MALRD1: variants seen among roughly 807,000 people sequenced by gnomAD.
MALRD1 encodes the protein MAM and LDL-receptor class A domain-containing protein 1.
In MALRD1, 247 loss-of-function variants were observed where a neutral mutation model predicts 242.1. The ratio of observed to expected loss-of-function variants is 1.02; its 90% CI spans 0.92 to 1.13. The LOEUF (loss-of-function observed/expected upper bound fraction) is 1.13. Ranked by LOEUF, MALRD1 falls within the 50% of genes most tolerant of loss-of-function variation. The pLI is 0.00. For missense variants in MALRD1, 2,989 were observed against 2,533.1 expected (o/e 1.18, Z -3.86); for synonymous variants, 995 against 866.6 (o/e 1.15, Z -2.60).
At chr10:19,688,940 G>A (rs1842708712) in intron 36 of MALRD1, among the ~76,000 whole-genome samples, 1 of 152,174 alleles carries the variant, frequency 6.6e-6, no homozygotes, top group Non-Finnish European at 1.5e-5. Context: ...CTGCAACCAA[G>A]CAAATGTCTC....
intron 11 of MALRD1, among the ~76,000 whole-genome samples, chr10:19,150,550 T>C (rs149736939): frequency 6.6e-6 from 1 of 152,182 alleles, no homozygotes; most frequent in Non-Finnish European, 1.5e-5. Flanking sequence ...ACCACACTCC[T>C]GTGTTTCCCC....
At chr10:19,549,461 C>G (rs951500080) in intron 32 of MALRD1, among the ~76,000 whole-genome samples, 2 of 152,172 alleles carry the variant, frequency 1.3e-5, no homozygotes, top group Admixed American at 1.3e-4. Context: ...CTTCAGCAAT[C>G]ACCACCCTAA....
intron 29 of MALRD1, among the ~76,000 whole-genome samples, chr10:19,480,760 G>A (rs1327588330): frequency 4.6e-5 from 7 of 152,066 alleles, no homozygotes; most frequent in Non-Finnish European, 1.0e-4. Flanking sequence ...CCAGTTCTGA[G>A]TTTTTGTTCT....
At chr10:19,236,278 A>C (rs944954391) in intron 18 of MALRD1, among the ~76,000 whole-genome samples, 1 of 152,176 alleles carries the variant, frequency 6.6e-6, no homozygotes, top group African/African-American at 2.4e-5. Flanking sequence ...TAGTTGGTGC[A>C]GGTGTGATAT....
Position 19,619,724 on chromosome 10 carries a change from A to G in MALRD1, c.6137+3801A>G, listed in dbSNP as rs1839318601. Reference sequence around the variant, plus strand: ...CATTGCATTGCAAGTTTTTCTAGCTATTAATTCTTATTTATCTTTTGCAAG... The same window carrying G: ...CATTGCATTGCAAGTTTTTCTAGCTGTTAATTCTTATTTATCTTTTGCAAG... On this transcript the variant is annotated intron_variant, in intron 36 of 39. Coordinates refer to ENST00000454679, the MANE Select transcript of MALRD1 (RefSeq NM_001142308.3). Among the ~76,000 whole-genome samples, 3 of 152,076 alleles carry G rather than the reference A, an allele frequency of 2.0e-5. No homozygotes were observed. The South Asian group carries it at 6.2e-4, about 31-fold the overall frequency.
intron 32 of MALRD1, among the ~76,000 whole-genome samples, chr10:19,546,424 T>C (rs1835209721): frequency 6.6e-6 from 1 of 152,228 alleles, no homozygotes; most frequent in African/African-American, 2.4e-5. Context: ...GTACAAACTC[T>C]TGGAAACTCC....
intron 28 of MALRD1, among the ~76,000 whole-genome samples, chr10:19,402,717 C>T (rs1846923192): frequency 2.0e-5 from 3 of 152,100 alleles, no homozygotes; most frequent in African/African-American, 2.4e-5. Flanking sequence ...TATTAATACA[C>T]ATGTGTCTTC....
chr10:19,464,843 A>T (rs1242552920), intron 29 of MALRD1, among the ~76,000 whole-genome samples: 1 of 152,062 alleles, frequency 6.6e-6, no homozygotes, highest in African/African-American at 2.4e-5. Flanking sequence ...ATCCCCGAAC[A>T]TGGGACGTGT....
At chr10:19,316,183 A>T (rs1842700141) in intron 21 of MALRD1, among the ~76,000 whole-genome samples, 1 of 151,452 alleles carries the variant, frequency 6.6e-6, no homozygotes, top group Non-Finnish European at 1.5e-5. Context: ...GCAGGTAAAT[A>T]TACATGTTCT....
intron 31 of MALRD1, among the ~76,000 whole-genome samples, chr10:19,508,183 G>C (rs1365305091): frequency 6.6e-6 from 1 of 152,162 alleles, no homozygotes; most frequent in East Asian, 1.9e-4. Context: ...GCTTTCATTA[G>C]TGTTTTTACT....
intron 32 of MALRD1, among the ~76,000 whole-genome samples, chr10:19,562,532 A>T (rs1383200782): frequency 6.6e-6 from 1 of 152,104 alleles, no homozygotes; most frequent in Non-Finnish European, 1.5e-5. Flanking sequence ...CCCTTGTCTT[A>T]GTTCCTGCAG....
At chr10:19,288,681 A>T (rs1588857646) in intron 21 of MALRD1, among the ~76,000 whole-genome samples, 1 of 152,208 alleles carries the variant, frequency 6.6e-6, no homozygotes, top group East Asian at 1.9e-4. Flanking sequence ...TGTGTGCCCA[A>T]GTCCTGCGAG....
chr10:19,538,702 TAAAG>T (rs1834794473), intron 32 of MALRD1, among the ~76,000 whole-genome samples: 1 of 151,990 alleles, frequency 6.6e-6, no homozygotes, highest in Non-Finnish European at 1.5e-5. Context: ...ACTCCAAACT[TAAAG>T]AAATAAAAGG....
intron 32 of MALRD1, 69 bp from the exon 33 acceptor site, chr10:19,567,433 C>A: frequency 7.8e-7 from 1 of 1,287,678 alleles, no homozygotes; most frequent in Non-Finnish European, 1.1e-6. Context: ...ATTCTTTCAT[C>A]AATCATCTGG....
rs538226043 is a variant in MALRD1 at position 19,484,471 on chromosome 10, C to A, written c.5030-7046C>A. The stretch of plus-strand genomic sequence containing the variant: ...GACAATATGCAATTAGCATAAAGCT[C>A]ATCTTAAATAAGGAGTATTATTTGC... On this transcript the variant is annotated intron_variant, in intron 29 of 39. Coordinates refer to ENST00000454679, the MANE Select transcript of MALRD1 (RefSeq NM_001142308.3). Among the ~76,000 whole-genome samples, 28 of 152,096 alleles carry A rather than the reference C, an allele frequency of 1.8e-4. No individual in the cohort carries two copies. In the East Asian group the frequency reaches 5.4e-3, roughly 29 times the overall value.
chr10:19,211,885 T>G (rs1247441396), intron 18 of MALRD1, among the ~76,000 whole-genome samples: 1 of 152,074 alleles, frequency 6.6e-6, no homozygotes, highest in Admixed American at 6.6e-5. Flanking sequence ...GAGGTACTCA[T>G]TCTGTGTTTG....
intron 2 of MALRD1, among the ~76,000 whole-genome samples, chr10:19,075,753 C>A (rs1835297515): frequency 1.3e-5 from 2 of 152,006 alleles, no homozygotes; most frequent in Admixed American, 6.6e-5. Context: ...ACCAGCTAAG[C>A]CACACCGTGC....
intron 18 of MALRD1, among the ~76,000 whole-genome samples, chr10:19,241,497 C>T (rs1162434990): frequency 6.6e-6 from 1 of 151,790 alleles, no homozygotes; most frequent in Non-Finnish European, 1.5e-5. Flanking sequence ...TCAGTTTTAC[C>T]TTTACACTTT....
At chr10:19,243,625 T>C (rs532303791) in intron 18 of MALRD1, among the ~76,000 whole-genome samples, 1 of 152,254 alleles carries the variant, frequency 6.6e-6, no homozygotes, top group African/African-American at 2.4e-5. Flanking sequence ...CCTTTGAATA[T>C]TTTCAAGCAT....
Sources: gnomAD v4.1 joint callset for allele counts (sites outside exome capture counted in the v4.1 genomes callset) on GRCh38, gnomAD v4.1.1 for gene constraint, MANE v1.5 for transcripts, NCBI Gene and HGNC (gene_info 2026-07-23, HGNC 2026-07-21) for gene names.